Variants in CAMSAP2 observed in about 807,000 individuals in gnomAD.
CAMSAP2 encodes the protein calmodulin regulated spectrin associated protein family member 2.
A neutral mutation model predicts 146.1 loss-of-function variants in CAMSAP2; 26 were observed. The ratio of observed to expected loss-of-function variants is 0.18; its 90% CI spans 0.13 to 0.25. CAMSAP2 has a LOEUF of 0.25. Ranked by LOEUF, CAMSAP2 falls within the 10% of genes least tolerant of loss-of-function variation. The pLI is 1.00. For synonymous variants in CAMSAP2, 499 were observed against 596.6 expected (o/e 0.84, Z 2.38); for missense variants, 1,381 against 1,759.3 (o/e 0.78, Z 3.85).
At chr1:200,827,279 C>T (rs1428711499) in intron 4 of CAMSAP2, among the ~76,000 whole-genome samples, 1 of 152,146 alleles carries the variant, frequency 6.6e-6, no homozygotes, top group Non-Finnish European at 1.5e-5. Flanking sequence ...TAACTTTAAC[C>T]GTTAAGAGAC....
At chr1:200,838,434 A>C (rs1667236384) in intron 6 of CAMSAP2, among the ~76,000 whole-genome samples, 1 of 152,152 alleles carries the variant, frequency 6.6e-6, no homozygotes, top group African/African-American at 2.4e-5. Flanking sequence ...AATCAGAAAT[A>C]TTGTGTCAAT....
chr1:200,743,940 CAATAAATAAATAAATA>C (rs57009637), intron 1 of CAMSAP2, among the ~76,000 whole-genome samples: 25 of 147,764 alleles, frequency 1.7e-4, no homozygotes, highest in Admixed American at 4.1e-4. Context: ...GACTCTGTCT[CAATAAATAAATAAATA>C]AATAAATAAA....
At chr1:200,754,152 C>G (rs1444232126) in intron 1 of CAMSAP2, among the ~76,000 whole-genome samples, 2 of 152,154 alleles carry the variant, frequency 1.3e-5, no homozygotes, top group East Asian at 3.8e-4. Flanking sequence ...ACTGTTTAAT[C>G]TTATAAGAAC....
chr1:200,779,305 G>C (rs1234933103), intron 2 of CAMSAP2, among the ~76,000 whole-genome samples: 1 of 152,128 alleles, frequency 6.6e-6, no homozygotes, highest in African/African-American at 2.4e-5. Context: ...TTAAAAGATA[G>C]AAAAGACTAT....
At chr1:200,829,665 C>T (rs1001454718) in intron 4 of CAMSAP2, among the ~76,000 whole-genome samples, 8 of 151,974 alleles carry the variant, frequency 5.3e-5, no homozygotes, top group Non-Finnish European at 4.4e-5. Flanking sequence ...CGGTGGCTCA[C>T]GCGCATAATC....
chr1:200,748,814 C>G (rs554573101), intron 1 of CAMSAP2, among the ~76,000 whole-genome samples: 1 of 150,634 alleles, frequency 6.6e-6, no homozygotes, highest in African/African-American at 2.4e-5. Context: ...CCACAAGATA[C>G]TTAATATCTA....
chr1:200,815,762 GTACCC>G (rs1035969634), intron 4 of CAMSAP2, 118 bp downstream of exon 4: 5 of 461,556 alleles, frequency 1.1e-5, no homozygotes, highest in African/African-American at 8.1e-5. Flanking sequence ...GGTGTTAACT[GTACCC>G]TAGAAAGCCA....
At chr1:200,790,530 C>T (rs1665720779) in intron 2 of CAMSAP2, among the ~76,000 whole-genome samples, 1 of 152,282 alleles carries the variant, frequency 6.6e-6, no homozygotes, top group Non-Finnish European at 1.5e-5. Context: ...TTTTCCTTCT[C>T]CAGCACTGGT....
intron 2 of CAMSAP2, among the ~76,000 whole-genome samples, chr1:200,801,421 C>G (rs191336324): frequency 1.2e-4 from 18 of 152,206 alleles, no homozygotes; most frequent in Admixed American, 8.5e-4. Flanking sequence ...TGGGGTTGCA[C>G]TTCTCGAGGA....
At chr1:200,778,196 A>G (rs1193404960) in intron 2 of CAMSAP2, among the ~76,000 whole-genome samples, 1 of 152,202 alleles carries the variant, frequency 6.6e-6, no homozygotes, top group East Asian at 1.9e-4. Context: ...AAGATGTTGA[A>G]TCATTGAATA....
At chr1:200,743,634 G>A (rs962075271) in intron 1 of CAMSAP2, among the ~76,000 whole-genome samples, 21 of 152,034 alleles carry the variant, frequency 1.4e-4, no homozygotes, top group African/African-American at 5.1e-4. Context: ...TAGGGGGCGG[G>A]TATGATAATA....
intron 2 of CAMSAP2, among the ~76,000 whole-genome samples, chr1:200,785,615 C>T (rs1171845877): frequency 3.3e-5 from 5 of 152,192 alleles, no homozygotes; most frequent in African/African-American, 9.7e-5. Context: ...GTCTCGAACT[C>T]GTGACCTCAA....
Position 200,849,337 on chromosome 1 carries a change from T to G in CAMSAP2, c.2568T>G (p.Ile856Met), listed in dbSNP as rs1277103523. 4.3e-6 allele frequency: 7 copies of G among 1,613,960 alleles called. No individual in the cohort carries two copies. The highest frequency in any genetic ancestry group is 5.9e-6 in the Non-Finnish European group (7 of 1,180,018). Residue 856 changes from isoleucine (I) to methionine (M), a missense_variant, in exon 11 of 17, where the codon ATT becomes ATG. Ile to Met is a conservative substitution (Grantham distance 10). Transcript: ENST00000358823. This position sits in a 1 kb window ranked among gnomAD's most constrained non-coding sequence, Gnocchi z 6.3. ...AKWLKSPTTP[I>M]DPEKQWNLAS... ...GGCTAAAGTCTCCAACTACACCTAT[T>G]GATCCTGAGAAGCAGTGGAACCTGG...
At chr1:200,743,632 G>A (rs1419541941) in intron 1 of CAMSAP2, among the ~76,000 whole-genome samples, 4 of 152,036 alleles carry the variant, frequency 2.6e-5, no homozygotes, top group Non-Finnish European at 5.9e-5. Context: ...GGTAGGGGGC[G>A]GGTATGATAA....
chr1:200,826,861 G>A (rs916823108), intron 4 of CAMSAP2, among the ~76,000 whole-genome samples: 2 of 152,018 alleles, frequency 1.3e-5, no homozygotes, highest in Non-Finnish European at 2.9e-5. Flanking sequence ...TTTCTTGCCT[G>A]GTGGTCCTGA....
chr1:200,751,489 C>T (rs1435780825), intron 1 of CAMSAP2, among the ~76,000 whole-genome samples: 8 of 136,380 alleles, frequency 5.9e-5, no homozygotes, highest in African/African-American at 8.4e-5. Flanking sequence ...GAGCCATGAT[C>T]GCACCATTGC....
intron 14 of CAMSAP2, 143 bp downstream of exon 14, chr1:200,855,032 T>C: frequency 1.8e-6 from 1 of 567,404 alleles, no homozygotes; most frequent in Non-Finnish European, 3.0e-6. Flanking sequence ...TTTGCTGACT[T>C]AGGACTGTTA....
intron 4 of CAMSAP2, among the ~76,000 whole-genome samples, chr1:200,825,510 T>C (rs949485525): frequency 6.6e-4 from 94 of 141,904 alleles, no homozygotes; most frequent in African/African-American, 2.3e-3. Context: ...TCTTTCTTCC[T>C]TTTTTTTTTT....
chr1:200,743,367 T>G (rs973721529), intron 1 of CAMSAP2, among the ~76,000 whole-genome samples: 10 of 152,190 alleles, frequency 6.6e-5, no homozygotes, highest in African/African-American at 2.4e-4. Context: ...AAATATACCT[T>G]GTTACATTTC....
Sources: gnomAD v4.1 joint callset for allele counts (sites outside exome capture counted in the v4.1 genomes callset) on GRCh38, gnomAD v4.1.1 for gene constraint, Gnocchi (gnomAD v3.1) non-coding constraint, MANE v1.5 for transcripts, NCBI Gene and HGNC (gene_info 2026-07-23, HGNC 2026-07-21) for gene names.